The following NPAS3 variants were observed in gnomAD, a reference collection of about 807,000 sequenced individuals.
NPAS3 encodes neuronal PAS domain-containing protein 3.
A neutral mutation model predicts 73.1 loss-of-function variants in NPAS3; 14 were observed. The observed-to-expected ratio is 0.19, with a 90% CI of 0.13 to 0.30. The LOEUF is 0.30. Ranked by LOEUF, NPAS3 falls within the 10% of genes least tolerant of loss-of-function variation. NPAS3 has a pLI of 1.00. For synonymous variants in NPAS3, 620 were observed against 541.5 expected (o/e 1.14, Z -2.01); for missense variants, 1,096 against 1,250.0 (o/e 0.88, Z 1.86).
At chr14:33,100,811 G>C (rs181050697) in intron 2 of NPAS3, among the ~76,000 whole-genome samples, 1 of 152,036 alleles carries the variant, frequency 6.6e-6, no homozygotes, top group Non-Finnish European at 1.5e-5. Flanking sequence ...TGAAATTCTG[G>C]CTTCTGGTTA....
intron 4 of NPAS3, among the ~76,000 whole-genome samples, chr14:33,546,083 C>G (rs1364228217): frequency 6.6e-6 from 1 of 152,172 alleles, no homozygotes; most frequent in South Asian, 2.1e-4. Context: ...TGCCACACCT[C>G]TTAGTGAGGC....
intron 2 of NPAS3, among the ~76,000 whole-genome samples, chr14:33,069,721 A>G (rs2041416463): frequency 6.6e-6 from 1 of 152,240 alleles, no homozygotes; most frequent in South Asian, 2.1e-4. Context: ...GGAAGTGCAT[A>G]CTAAGTACTC....
chr14:33,222,564 TTTG>T (rs1488283889), intron 3 of NPAS3, among the ~76,000 whole-genome samples: 1 of 152,186 alleles, frequency 6.6e-6, no homozygotes, highest in Non-Finnish European at 1.5e-5. Context: ...ATTCTGTTGG[TTTG>T]TTATCAACTT....
intron 1 of NPAS3, among the ~76,000 whole-genome samples, chr14:32,956,996 A>G (rs17099750): frequency 0.025 from 3,804 of 152,318 alleles, 151 homozygotes; most frequent in African/African-American, 0.086. Context: ...ACAAACCAAT[A>G]TAACCATGAA....
At chr14:33,339,377 CATCAGCT>C (rs1467647562) in intron 3 of NPAS3, among the ~76,000 whole-genome samples, 3 of 152,112 alleles carry the variant, frequency 2.0e-5, no homozygotes, top group African/African-American at 7.2e-5. Flanking sequence ...AGTACAGCAG[CATCAGCT>C]TACAGTGTTT....
intron 1 of NPAS3, among the ~76,000 whole-genome samples, chr14:33,025,356 A>G (rs1223233315): frequency 1.3e-5 from 2 of 152,208 alleles, no homozygotes; most frequent in Non-Finnish European, 2.9e-5. Flanking sequence ...CCAGAATTGA[A>G]TATATAATAC....
chr14:33,047,534 G>A (rs2040552865), intron 1 of NPAS3, among the ~76,000 whole-genome samples: 1 of 152,180 alleles, frequency 6.6e-6, no homozygotes, highest in African/African-American at 2.4e-5. Context: ...CATTCACAAA[G>A]TAAGGTGAAA....
chr14:33,376,062 A>C (rs2140457543), intron 4 of NPAS3, among the ~76,000 whole-genome samples: 1 of 152,292 alleles, frequency 6.6e-6, no homozygotes, highest in East Asian at 1.9e-4. Flanking sequence ...TGGTCTTCAA[A>C]TTATCTCAAG....
At chr14:33,404,794 A>G (rs1045912242) in intron 4 of NPAS3, among the ~76,000 whole-genome samples, 1 of 152,094 alleles carries the variant, frequency 6.6e-6, no homozygotes, top group Non-Finnish European at 1.5e-5. Context: ...CTGGAATGAA[A>G]ATTGTACAGT....
intron 3 of NPAS3, among the ~76,000 whole-genome samples, chr14:33,352,967 T>G (rs1298205580): frequency 6.6e-6 from 1 of 152,144 alleles, no homozygotes; most frequent in African/African-American, 2.4e-5. Context: ...CAAAGCAGAC[T>G]GTCTCAGAGA....
At chr14:33,613,350 C>A (rs761211029) in intron 5 of NPAS3, among the ~76,000 whole-genome samples, 3 of 152,166 alleles carry the variant, frequency 2.0e-5, no homozygotes, top group Non-Finnish European at 4.4e-5. Context: ...GAGCCTTCCC[C>A]TTCCTATATT....
chr14:33,173,505 TA>T (rs911581043), intron 2 of NPAS3, among the ~76,000 whole-genome samples: 6 of 152,078 alleles, frequency 3.9e-5, no homozygotes, highest in Admixed American at 6.5e-5. Context: ...GTTTATTTTT[TA>T]AAAAAAACTA....
chr14:33,577,363 G>A (rs2056477346), intron 5 of NPAS3, among the ~76,000 whole-genome samples: 3 of 152,168 alleles, frequency 2.0e-5, no homozygotes, highest in African/African-American at 7.2e-5. Context: ...AGATTTGTGA[G>A]GCTTAGGGTG....
chr14:32,975,545 A>G (rs1404709836), intron 1 of NPAS3, among the ~76,000 whole-genome samples: 2 of 152,158 alleles, frequency 1.3e-5, no homozygotes, highest in African/African-American at 4.8e-5. Context: ...GGTCATTGTC[A>G]CCTTTGTTGA....
chr14:33,776,729 C>G (rs143305444), intron 8 of NPAS3, among the ~76,000 whole-genome samples: 59 of 152,112 alleles, frequency 3.9e-4, no homozygotes, highest in African/African-American at 1.3e-3. Context: ...TCCATTCATT[C>G]ATCCCCTCAC....
chr14:33,113,565 G>A, intron 2 of NPAS3, among the ~76,000 whole-genome samples: 1 of 151,960 alleles, frequency 6.6e-6, no homozygotes, highest in Non-Finnish European at 1.5e-5. Context: ...AGGAGATTTT[G>A]GGCTGAGACA....
At chr14:33,560,942 C>G (rs2055617008) in intron 5 of NPAS3, among the ~76,000 whole-genome samples, 1 of 152,168 alleles carries the variant, frequency 6.6e-6, no homozygotes, top group Non-Finnish European at 1.5e-5. Flanking sequence ...GCAAGGTTTG[C>G]ACTTCAGCTA....
chr14:33,316,047 T>C (rs1348471969), intron 3 of NPAS3, among the ~76,000 whole-genome samples: 3 of 152,118 alleles, frequency 2.0e-5, no homozygotes, highest in East Asian at 3.9e-4. Flanking sequence ...TTATAGAGCA[T>C]GTTCCTGTGA....
At chr14:33,520,858 G>T (rs868819960) in intron 4 of NPAS3, among the ~76,000 whole-genome samples, 4 of 152,112 alleles carry the variant, frequency 2.6e-5, no homozygotes, top group Non-Finnish European at 5.9e-5. Context: ...GGTACTGTAC[G>T]CATTAATCAA....
Sources: gnomAD v4.1 joint callset for allele counts (sites outside exome capture counted in the v4.1 genomes callset) on GRCh38, gnomAD v4.1.1 for gene constraint, MANE v1.5 for transcripts, NCBI Gene and HGNC (gene_info 2026-07-23, HGNC 2026-07-21) for gene names.